Variants in PARM1 observed in about 807,000 individuals in gnomAD.
PARM1 encodes WSC4, cell wall integrity and stress response component 4 homolog.
PARM1 carries 14 observed loss-of-function variants against 24.6 expected under a neutral mutation model. That is an observed-to-expected ratio of 0.57 (90% CI 0.38 to 0.89). PARM1 has a LOEUF of 0.89. Among genes scored for constraint, PARM1 ranks in the 40% least tolerant of loss-of-function variants. The probability of loss-of-function intolerance (pLI) is 0.00; values close to 1 mark genes in which losing one functional copy is unlikely to be tolerated. For missense variants in PARM1, 362 were observed against 380.4 expected (o/e 0.95, Z 0.40); for synonymous variants, 179 against 156.6 (o/e 1.14, Z -1.07).
chr4:74,962,542 A>G (rs1010584174), intron 1 of PARM1, among the ~76,000 whole-genome samples: 1 of 152,230 alleles, frequency 6.6e-6, no homozygotes, highest in South Asian at 2.1e-4. Flanking sequence ...TGATCCACCT[A>G]TATACTATCT....
At chr4:75,002,599 G>C (rs1270594117) in intron 1 of PARM1, among the ~76,000 whole-genome samples, 2 of 152,204 alleles carry the variant, frequency 1.3e-5, no homozygotes, top group Non-Finnish European at 2.9e-5. Context: ...TGGCTCTACA[G>C]AATCAGAGTG....
chr4:74,991,270 A>G (rs571557775), intron 1 of PARM1, among the ~76,000 whole-genome samples: 1 of 152,318 alleles, frequency 6.6e-6, no homozygotes, highest in South Asian at 2.1e-4. Context: ...AACAAAAAAT[A>G]AATCACAAAA....
chr4:75,013,077 G>A lies in PARM1; in HGVS notation c.696G>A (p.Glu232=), dbSNP rs1722912459. The change falls in exon 2 of 4, where the codon GAG becomes GAA. Residue 232 remains glutamate, a synonymous_variant. Coordinates refer to ENST00000307428, the MANE Select transcript of PARM1 (RefSeq NM_015393.4). ...CTGTGTCAGGCAAAGTGATGTGTGAGCTCATAGACATGGAGACCACCACCA... is the reference window on the plus strand; with the variant it reads ...CTGTGTCAGGCAAAGTGATGTGTGAACTCATAGACATGGAGACCACCACCA... The part of the protein sequence containing the change: ...PTTVSGKVMC[E]LIDMETTTTF... 2 of 1,614,016 alleles carry A rather than the reference G, an allele frequency of 1.2e-6. No individual in the cohort carries two copies. The highest frequency in any genetic ancestry group is 1.3e-5 in the African/African-American group (1 of 75,038).
At chr4:75,003,276 A>T (rs2109788272) in intron 1 of PARM1, among the ~76,000 whole-genome samples, 1 of 152,016 alleles carries the variant, frequency 6.6e-6, no homozygotes, top group South Asian at 2.1e-4. Context: ...CCATCCTAGA[A>T]GCAGTAAGTT....
At chr4:74,946,172 A>G (rs1164602175) in intron 1 of PARM1, among the ~76,000 whole-genome samples, 1 of 152,228 alleles carries the variant, frequency 6.6e-6, no homozygotes, top group Non-Finnish European at 1.5e-5. Flanking sequence ...GAAGTCAAGT[A>G]ATGAGCCACA....
intron 1 of PARM1, among the ~76,000 whole-genome samples, chr4:74,972,009 T>C (rs956743048): frequency 6.6e-6 from 1 of 152,220 alleles, no homozygotes; most frequent in African/African-American, 2.4e-5. Context: ...ATGTAGCTCC[T>C]TGAAGTTACT....
chr4:74,946,811 A>G (rs545976002), intron 1 of PARM1, among the ~76,000 whole-genome samples: 1 of 152,346 alleles, frequency 6.6e-6, no homozygotes, highest in Non-Finnish European at 1.5e-5. Context: ...AAAACAAAAC[A>G]ATAATAATAC....
intron 1 of PARM1, among the ~76,000 whole-genome samples, chr4:74,959,425 G>A (rs1184214859): frequency 6.6e-6 from 1 of 152,172 alleles, no homozygotes; most frequent in Non-Finnish European, 1.5e-5. Context: ...CTTAGAGAGT[G>A]TCTATTGCAA....
chr4:74,952,476 C>CCATTGCTTTTGGTGT (rs1721545679), intron 1 of PARM1, among the ~76,000 whole-genome samples: 1 of 152,152 alleles, frequency 6.6e-6, no homozygotes, highest in African/African-American at 2.4e-5. Flanking sequence ...GCTTTTGTTG[C>CCATTGCTTTTGGTGT]CATTGCTTTT....
intron 1 of PARM1, among the ~76,000 whole-genome samples, chr4:74,980,655 G>A (rs982674424): frequency 3.3e-5 from 5 of 152,084 alleles, no homozygotes; most frequent in Admixed American, 6.6e-5. Flanking sequence ...GTATAGCCAA[G>A]ACAATCCTAA....
At chr4:75,021,808 A>G (rs1338347164) in intron 2 of PARM1, among the ~76,000 whole-genome samples, 2 of 151,450 alleles carry the variant, frequency 1.3e-5, no homozygotes, top group East Asian at 3.8e-4. Flanking sequence ...TTTATGGCTG[A>G]ATAGTATTCC....
chr4:75,003,232 C>G lies in PARM1; in HGVS notation c.44-9193C>G, dbSNP rs116721422. Among the ~76,000 whole-genome samples, 1,416 of 151,854 alleles carry G rather than the reference C, an allele frequency of 9.3e-3. 27 individuals are homozygous for G. Among genetic ancestry groups the G allele is most frequent in the African/African-American group, 0.032 (1,325 of 41,420 alleles). On this transcript the variant is annotated intron_variant, in intron 1 of 3. Transcript: ENST00000307428. ...CATTCGTTGGCGTCCTTGCTCAGCT[C>G]GGCTTCCTTCTGGTGTGACCACTAT... is the stretch of plus-strand genomic sequence containing the variant.
intron 1 of PARM1, chr4:74,994,042 T>C (rs1722526796): frequency 6.6e-6 from 1 of 152,058 alleles, no homozygotes; most frequent in Admixed American, 6.6e-5. Context: ...AATCAGGCTG[T>C]GATAAAATGG....
intron 2 of PARM1, among the ~76,000 whole-genome samples, chr4:75,032,471 TAAATA>T (rs1232623337): frequency 6.6e-6 from 1 of 152,040 alleles, no homozygotes; most frequent in Non-Finnish European, 1.5e-5. Flanking sequence ...CAAAAATAAA[TAAATA>T]AAAGAAGAGA....
intron 2 of PARM1, among the ~76,000 whole-genome samples, chr4:75,013,450 T>C (rs1364770600): frequency 6.6e-6 from 1 of 152,220 alleles, no homozygotes; most frequent in African/African-American, 2.4e-5. Context: ...TGGCCAAGCT[T>C]CCTAGGTTTC....
intron 2 of PARM1, among the ~76,000 whole-genome samples, chr4:75,032,778 A>G (rs1723297923): frequency 1.3e-5 from 2 of 152,066 alleles, no homozygotes; most frequent in Non-Finnish European, 2.9e-5. Context: ...ACATATTCAG[A>G]CTCCACATCT....
At chr4:75,010,140 GATAC>G (rs953300222) in intron 1 of PARM1, among the ~76,000 whole-genome samples, 11 of 152,280 alleles carry the variant, frequency 7.2e-5, no homozygotes, top group African/African-American at 2.4e-4. Flanking sequence ...AACAAAATGT[GATAC>G]ATACATACAG....
At chr4:75,006,623 A>G (rs1379765707) in intron 1 of PARM1, among the ~76,000 whole-genome samples, 1 of 152,194 alleles carries the variant, frequency 6.6e-6, no homozygotes, top group Non-Finnish European at 1.5e-5. Context: ...GTGTCTTTAT[A>G]GCAGCATGAT....
At chr4:74,972,707 G>C (rs201620414) in intron 1 of PARM1, among the ~76,000 whole-genome samples, 3 of 93,260 alleles carry the variant, frequency 3.2e-5, no homozygotes, top group Admixed American at 1.2e-4. Context: ...TTCTTTTTCC[G>C]ATCAGCAGAA....
Sources: gnomAD v4.1 joint callset for allele counts (sites outside exome capture counted in the v4.1 genomes callset) on GRCh38, gnomAD v4.1.1 for gene constraint, MANE v1.5 for transcripts, NCBI Gene and HGNC (gene_info 2026-07-23, HGNC 2026-07-21) for gene names.